The following ZC3H12B variants were observed in gnomAD, a reference collection of about 807,000 sequenced individuals.
ZC3H12B encodes the protein probable ribonuclease ZC3H12B.
Under a neutral mutation model 43.9 loss-of-function variants are expected in ZC3H12B, and 7 were observed. The observed-to-expected ratio is 0.16, with a 90% CI of 0.09 to 0.30. The LOEUF is 0.30. Among genes scored for constraint, ZC3H12B ranks in the 10% least tolerant of loss-of-function variants. The probability of loss-of-function intolerance (pLI) is 1.00; values close to 1 mark genes in which losing one functional copy is unlikely to be tolerated. For missense variants in ZC3H12B, 475 were observed against 670.2 expected, an observed-to-expected ratio of 0.71 and a Z score of 3.22; for synonymous variants, 222 against 241.7, an observed-to-expected ratio of 0.92 and a Z score of 0.76.
chrX:65,373,866 A>G (rs2066282701), intron 2 of ZC3H12B, among the ~76,000 whole-genome samples: 1 of 74,151 alleles, frequency 1.3e-5, no homozygotes, highest in Non-Finnish European at 2.4e-5. Flanking sequence ...CGCGTTCTGC[A>G]CATGTACCCT....
rs927934355 is a variant in ZC3H12B at position 65,390,293 on chromosome X, A to G, written n.296-8300A>G. ...AGGGGGAGGGACAGCATTAGGAGAT[A>G]TACGTAATGTAAATGATGAGTTAAT... On this transcript the variant is annotated intron_variant and non_coding_transcript_variant, in intron 2 of 5. Coordinates refer to the ZC3H12B transcript ENST00000617377. 4.5e-5 allele frequency among the ~76,000 whole-genome samples: 5 copies of G among 111,108 alleles called. No homozygotes were observed. In the East Asian group the frequency reaches 1.4e-3, roughly 31 times the overall value.
At chrX:65,251,618 G>A in the ZC3H12B span, among the ~76,000 whole-genome samples, 1 of 111,407 alleles carries the variant, frequency 9.0e-6, no homozygotes, top group Non-Finnish European at 1.9e-5. Context: ...ATTTCGTTGA[G>A]CAGTGGTTTA....
the ZC3H12B span, among the ~76,000 whole-genome samples, chrX:65,127,983 G>C: frequency 8.9e-6 from 1 of 111,994 alleles, no homozygotes; most frequent in Non-Finnish European, 1.9e-5. Context: ...CAGACTCACA[G>C]TTTTTCTGGC....
At chrX:65,162,178 T>G in the ZC3H12B span, among the ~76,000 whole-genome samples, 1 of 111,376 alleles carries the variant, frequency 9.0e-6, no homozygotes, top group Non-Finnish European at 1.9e-5. Context: ...AACCTGACCT[T>G]TCTCTCTGGC....
chrX:65,096,138 C>T, the ZC3H12B span, among the ~76,000 whole-genome samples: 49 of 103,970 alleles, frequency 4.7e-4, no homozygotes, highest in Non-Finnish European at 7.3e-4. Flanking sequence ...TAAACATACA[C>T]GTGCATGTAT....
chrX:65,451,146 C>T (rs946199577), intron 3 of ZC3H12B, among the ~76,000 whole-genome samples: 1 of 109,871 alleles, frequency 9.1e-6, no homozygotes, highest in Non-Finnish European at 1.9e-5. Flanking sequence ...GATGGGGTTT[C>T]ACCGTGTTAG....
intron 3 of ZC3H12B, among the ~76,000 whole-genome samples, chrX:65,399,435 C>T (rs2066738739): frequency 9.0e-6 from 1 of 111,675 alleles, no homozygotes; most frequent in Non-Finnish European, 1.9e-5. Flanking sequence ...AAAAGGTGCT[C>T]AATATCATTG....
chrX:65,334,284 A>G, the ZC3H12B span, among the ~76,000 whole-genome samples: 2 of 112,119 alleles, frequency 1.8e-5, no homozygotes, highest in Non-Finnish European at 3.8e-5. Context: ...TTTAGCTAAT[A>G]TGTTCACATG....
At chrX:65,046,487 C>T in the ZC3H12B span, among the ~76,000 whole-genome samples, 3 of 111,573 alleles carry the variant, frequency 2.7e-5, no homozygotes, top group Non-Finnish European at 3.8e-5. Flanking sequence ...TTCTTCACCT[C>T]CCTCAGCCTT....
chrX:65,252,315 A>G, the ZC3H12B span, among the ~76,000 whole-genome samples: 3 of 111,096 alleles, frequency 2.7e-5, no homozygotes, highest in East Asian at 8.4e-4. Flanking sequence ...AAGCTTTTTG[A>G]TGTGCTGCTG....
chrX:65,182,270 A>T, the ZC3H12B span, among the ~76,000 whole-genome samples: 1 of 110,816 alleles, frequency 9.0e-6, no homozygotes, highest in Admixed American at 9.7e-5. Context: ...GGGCAAGGGG[A>T]GGGAGAGCAT....
At chrX:65,399,652 C>T (rs1402420373) in intron 3 of ZC3H12B, among the ~76,000 whole-genome samples, 1 of 111,912 alleles carries the variant, frequency 8.9e-6, no homozygotes, top group South Asian at 3.7e-4. Context: ...AATAGAACTA[C>T]CATATGTTCC....
the ZC3H12B span, among the ~76,000 whole-genome samples, chrX:65,154,780 G>A: frequency 9.0e-6 from 1 of 111,458 alleles, no homozygotes; most frequent in African/African-American, 3.3e-5. Flanking sequence ...AGAAGGTTGA[G>A]GCTGCAGTGA....
the ZC3H12B span, among the ~76,000 whole-genome samples, chrX:65,284,342 A>T: frequency 9.0e-6 from 1 of 111,418 alleles, no homozygotes. Flanking sequence ...AATCAGAAGA[A>T]ATTTTTGGAA....
chrX:65,374,591 G>C (rs1269364158), intron 2 of ZC3H12B, among the ~76,000 whole-genome samples: 2 of 110,008 alleles, frequency 1.8e-5, no homozygotes, highest in Non-Finnish European at 3.8e-5. Context: ...GAAAAAATCA[G>C]GTGAGCACTC....
chrX:65,440,192 T>C (rs906065090), intron 3 of ZC3H12B, among the ~76,000 whole-genome samples: 2 of 111,768 alleles, frequency 1.8e-5, no homozygotes, highest in African/African-American at 6.5e-5. Flanking sequence ...GATATTGCAT[T>C]AGCAACTAGG....
the ZC3H12B span, among the ~76,000 whole-genome samples, chrX:65,280,011 C>G: frequency 1.8e-5 from 2 of 112,127 alleles, no homozygotes; most frequent in African/African-American, 6.5e-5. Context: ...TGAAAATATT[C>G]CAAAAAACTG....
chrX:65,093,444 A>T, the ZC3H12B span, among the ~76,000 whole-genome samples: 1 of 111,908 alleles, frequency 8.9e-6, no homozygotes, highest in Admixed American at 9.4e-5. Context: ...AAAGCTACAG[A>T]CACTCAACAC....
At chrX:65,304,483 G>A in the ZC3H12B span, among the ~76,000 whole-genome samples, 2 of 110,099 alleles carry the variant, frequency 1.8e-5, no homozygotes, top group African/African-American at 6.6e-5. Context: ...GGGCGTGGTG[G>A]CGGGTGCCTG....
Sources: allele counts gnomAD v4.1 joint callset (sites outside exome capture counted in the v4.1 genomes callset), GRCh38; gene constraint gnomAD v4.1.1; transcripts MANE v1.5; gene names NCBI Gene and HGNC (gene_info 2026-07-23, HGNC 2026-07-21).